CAST: variants seen among roughly 807,000 people sequenced by gnomAD.
The protein encoded by CAST is MIR583 host.
In CAST, 76 loss-of-function variants were observed where a neutral mutation model predicts 119.6. That is an observed-to-expected ratio of 0.64 (90% confidence interval 0.53 to 0.77). CAST has a LOEUF of 0.77. Ranked by LOEUF, CAST falls within the 30% of genes least tolerant of loss-of-function variation. The pLI is 0.00. For synonymous variants in CAST, 319 were observed against 331.6 expected, an observed-to-expected ratio of 0.96 and a Z score of 0.41; for missense variants, 953 against 946.5, an observed-to-expected ratio of 1.01 and a Z score of -0.09.
Position 96,570,055 on chromosome 5 carries a change from C to T in CAST, c.60+40175C>T, listed in dbSNP as rs115040344. On this transcript the variant is annotated intron_variant, in intron 1 of 11. Coordinates refer to the CAST transcript ENST00000505143. The stretch of plus-strand genomic sequence containing the variant: ...CCTCAGAGAGAACAACAAAGAAAAT[C>T]GTACCCTGATCTAAAATCCGTTGCT... Among the ~76,000 whole-genome samples the T allele has an allele frequency of 7.3e-3, 1,106 of 152,266 alleles. 26 individuals are homozygous for T. The highest frequency in any genetic ancestry group is 0.026 in the African/African-American group (1,075 of 41,546).
chr5:96,516,406 AT>A, the CAST span, among the ~76,000 whole-genome samples: 1 of 152,154 alleles, frequency 6.6e-6, no homozygotes, highest in South Asian at 2.1e-4. Flanking sequence ...AATTTCTTAC[AT>A]TTTTGGCATG....
At chr5:96,271,629 A>T in the CAST span, among the ~76,000 whole-genome samples, 1 of 151,756 alleles carries the variant, frequency 6.6e-6, no homozygotes, top group Non-Finnish European at 1.5e-5. Flanking sequence ...TAAACCTAAG[A>T]CTTGAAACTA....
intron 10 of CAST, among the ~76,000 whole-genome samples, chr5:96,736,971 A>G (rs1256254609): frequency 6.6e-6 from 1 of 152,192 alleles, no homozygotes; most frequent in Non-Finnish European, 1.5e-5. Flanking sequence ...AGGGAATCAG[A>G]CACTTTCTTC....
At chr5:96,283,210 C>T in the CAST span, among the ~76,000 whole-genome samples, 1 of 151,526 alleles carries the variant, frequency 6.6e-6, no homozygotes. Context: ...GGGGTAGGGA[C>T]TGGGCTCCAT....
chr5:96,662,232 G>C (rs963407524), upstream of CAST: 3 of 597,734 alleles, frequency 5.0e-6, no homozygotes, highest in African/African-American at 4.0e-5. Context: ...GGGCAGGAAG[G>C]GGAGGGCCCA....
At chr5:96,115,812 A>G in the CAST span, among the ~76,000 whole-genome samples, 322 of 152,302 alleles carry the variant, frequency 2.1e-3, 1 homozygote, top group South Asian at 0.011. Flanking sequence ...TCATTCTGAA[A>G]GGACACCTCG....
chr5:96,482,459 T>G, the CAST span, among the ~76,000 whole-genome samples: 5 of 151,766 alleles, frequency 3.3e-5, no homozygotes, highest in Non-Finnish European at 5.9e-5. Flanking sequence ...CCAGGTCTCT[T>G]AGAGGAATTA....
chr5:96,360,233 T>C, the CAST span, among the ~76,000 whole-genome samples: 1 of 152,130 alleles, frequency 6.6e-6, no homozygotes. Context: ...TAGAAATTCC[T>C]CTAACATTTT....
chr5:96,690,367 G>A (rs1752589194), intron 2 of CAST, among the ~76,000 whole-genome samples: 1 of 152,010 alleles, frequency 6.6e-6, no homozygotes, highest in Admixed American at 6.5e-5. Flanking sequence ...AAGTAGCTGG[G>A]GTTACAGACA....
the CAST span, among the ~76,000 whole-genome samples, chr5:96,121,508 A>T: frequency 6.6e-6 from 1 of 151,284 alleles, no homozygotes; most frequent in African/African-American, 2.4e-5. Context: ...CAACCTGATC[A>T]GGATAGAACT....
chr5:95,992,104 A>C, the CAST span, among the ~76,000 whole-genome samples: 1 of 152,326 alleles, frequency 6.6e-6, no homozygotes, highest in South Asian at 2.1e-4. Flanking sequence ...TGCAGCAGCT[A>C]CTTAAAGGTT....
the CAST span, among the ~76,000 whole-genome samples, chr5:96,191,381 C>T: frequency 6.6e-6 from 1 of 152,108 alleles, no homozygotes; most frequent in Non-Finnish European, 1.5e-5. Flanking sequence ...TTCATTCAGT[C>T]CTAACAATAA....
At chr5:96,495,079 C>G in the CAST span, among the ~76,000 whole-genome samples, 2 of 146,326 alleles carry the variant, frequency 1.4e-5, no homozygotes, top group African/African-American at 2.5e-5. Flanking sequence ...GATCGGAGAT[C>G]GCACCATTGC....
chr5:96,400,950 G>A, the CAST span, among the ~76,000 whole-genome samples: 3 of 151,308 alleles, frequency 2.0e-5, no homozygotes, highest in Non-Finnish European at 3.0e-5. Context: ...AGCCGGGCGC[G>A]GTGGCGGGCG....
the CAST span, among the ~76,000 whole-genome samples, chr5:96,099,012 G>T: frequency 6.6e-6 from 1 of 152,164 alleles, no homozygotes; most frequent in African/African-American, 2.4e-5. Context: ...GCAGTGGTTT[G>T]TAGTTCTCCT....
the CAST span, among the ~76,000 whole-genome samples, chr5:96,268,235 T>C: frequency 1.8e-4 from 28 of 152,252 alleles, no homozygotes; most frequent in African/African-American, 6.3e-4. Flanking sequence ...TCCTTACTTA[T>C]CAATAATAAC....
chr5:96,398,669 C>A, the CAST span, among the ~76,000 whole-genome samples: 1 of 152,066 alleles, frequency 6.6e-6, no homozygotes, highest in Non-Finnish European at 1.5e-5. Flanking sequence ...TTTGAATGGG[C>A]CTCATTCTCT....
chr5:96,206,415 T>C, the CAST span, among the ~76,000 whole-genome samples: 1 of 152,144 alleles, frequency 6.6e-6, no homozygotes, highest in African/African-American at 2.4e-5. Flanking sequence ...TAGGTTTTCT[T>C]CTGGGATATT....
the CAST span, among the ~76,000 whole-genome samples, chr5:96,468,723 T>G: frequency 6.6e-6 from 1 of 151,854 alleles, no homozygotes; most frequent in Non-Finnish European, 1.5e-5. Context: ...AAATTAGGAG[T>G]GAGAATGTAA....
Sources: allele counts gnomAD v4.1 joint callset (sites outside exome capture counted in the v4.1 genomes callset), GRCh38; gene constraint gnomAD v4.1.1; transcripts MANE v1.5; gene names NCBI Gene and HGNC (gene_info 2026-07-23, HGNC 2026-07-21).